The following DRC8 variants were observed in gnomAD, a reference collection of about 807,000 sequenced individuals.
DRC8 encodes the protein dynein regulatory complex protein 8.
chr1:245,117,716 C>A, the DRC8 span, among the ~76,000 whole-genome samples: 1 of 152,160 alleles, frequency 6.6e-6, no homozygotes, highest in Non-Finnish European at 1.5e-5. Context: ...TGTCTATAAT[C>A]CCAGCACTTT....
the DRC8 span, among the ~76,000 whole-genome samples, chr1:245,054,000 C>T: frequency 0.011 from 1,643 of 152,212 alleles, 28 homozygotes; most frequent in African/African-American, 0.037. Context: ...TGAACAACGC[C>T]CGCATCAGCC....
chr1:244,984,930 A>G, the DRC8 span, among the ~76,000 whole-genome samples: 3 of 150,808 alleles, frequency 2.0e-5, no homozygotes, highest in Non-Finnish European at 2.9e-5. Flanking sequence ...AAAACCTCTT[A>G]CCTGGTTTAC....
chr1:244,986,225 G>A, the DRC8 span, among the ~76,000 whole-genome samples: 4 of 152,126 alleles, frequency 2.6e-5, no homozygotes, highest in African/African-American at 7.2e-5. Flanking sequence ...AAAGTGCTGG[G>A]ATTACAGGCA....
chr1:244,982,659 C>T, the DRC8 span, among the ~76,000 whole-genome samples: 1 of 152,030 alleles, frequency 6.6e-6, no homozygotes, highest in African/African-American at 2.4e-5. Context: ...AGAAACTTTC[C>T]AAACTGAATT....
the DRC8 span, among the ~76,000 whole-genome samples, chr1:245,010,245 C>T: frequency 6.6e-6 from 1 of 152,132 alleles, no homozygotes; most frequent in Non-Finnish European, 1.5e-5. Flanking sequence ...GGAAGTAGCC[C>T]ATAGTATGTG....
At chr1:245,002,317 A>C in the DRC8 span, 1 of 1,085,974 alleles carries the variant, frequency 9.2e-7, no homozygotes. Context: ...CTTCCAGTTA[A>C]GTTATCCTCA....
At chr1:244,998,257 G>A in the DRC8 span, among the ~76,000 whole-genome samples, 2 of 152,002 alleles carry the variant, frequency 1.3e-5, no homozygotes, top group Non-Finnish European at 2.9e-5. Flanking sequence ...TCTCCAGGCT[G>A]GAGTACAGTG....
At chr1:245,032,088 A>G in the DRC8 span, among the ~76,000 whole-genome samples, 1 of 152,180 alleles carries the variant, frequency 6.6e-6, no homozygotes, top group Non-Finnish European at 1.5e-5. Context: ...TCACAGATAG[A>G]AGAAGTAACA....
At chr1:244,978,450 C>A in the DRC8 span, among the ~76,000 whole-genome samples, 1 of 146,422 alleles carries the variant, frequency 6.8e-6, no homozygotes, top group South Asian at 2.2e-4. Context: ...CTGAGAGCAC[C>A]ATTTTACTCC....
chr1:245,087,331 A>G, the DRC8 span: 2 of 1,602,378 alleles, frequency 1.2e-6, no homozygotes, highest in South Asian at 1.1e-5. Flanking sequence ...CAAGGACTAT[A>G]TAACAATGAT....
chr1:244,995,826 A>G, the DRC8 span, among the ~76,000 whole-genome samples: 92 of 152,296 alleles, frequency 6.0e-4, no homozygotes, highest in African/African-American at 2.2e-3. Context: ...GCAGTTTCCA[A>G]TGTGATTTTC....
At chr1:245,104,471 T>C in the DRC8 span, among the ~76,000 whole-genome samples, 818 of 148,792 alleles carry the variant, frequency 5.5e-3, 5 homozygotes, top group African/African-American at 0.02. Flanking sequence ...GCCACTGCAC[T>C]CCAGCCTGGG....
chr1:244,980,040 T>TAAAAAAA, the DRC8 span, among the ~76,000 whole-genome samples: 43 of 34,722 alleles, frequency 1.2e-3, 7 homozygotes, highest in African/African-American at 3.5e-3. Flanking sequence ...CCGTCTCTAC[T>TAAAAAAA]AAAAAAAAAA....
At chr1:245,034,077 G>A in the DRC8 span, among the ~76,000 whole-genome samples, 13 of 152,144 alleles carry the variant, frequency 8.5e-5, no homozygotes, top group Middle Eastern at 3.4e-3. Flanking sequence ...GCTTTGGGAC[G>A]ATTATCTTTC....
the DRC8 span, among the ~76,000 whole-genome samples, chr1:245,032,089 A>G: frequency 2.0e-5 from 3 of 152,190 alleles, no homozygotes; most frequent in Non-Finnish European, 2.9e-5. Flanking sequence ...CACAGATAGA[A>G]GAAGTAACAA....
the DRC8 span, among the ~76,000 whole-genome samples, chr1:245,068,821 C>G: frequency 6.6e-6 from 1 of 151,952 alleles, no homozygotes; most frequent in Non-Finnish European, 1.5e-5. Flanking sequence ...AATTATATCA[C>G]AAATTATATC....
chr1:244,973,863 A>G, the DRC8 span, among the ~76,000 whole-genome samples: 3 of 152,190 alleles, frequency 2.0e-5, no homozygotes, highest in Non-Finnish European at 2.9e-5. Context: ...AATTACCTAA[A>G]TTAGAAGGGG....
At chr1:245,004,573 A>G in the DRC8 span, among the ~76,000 whole-genome samples, 3 of 152,144 alleles carry the variant, frequency 2.0e-5, no homozygotes, top group Non-Finnish European at 4.4e-5. Flanking sequence ...TATTTTGTAT[A>G]TTGGCCATTT....
the DRC8 span, among the ~76,000 whole-genome samples, chr1:244,985,415 G>A: frequency 2.6e-5 from 4 of 152,216 alleles, no homozygotes; most frequent in Non-Finnish European, 4.4e-5. Flanking sequence ...GGTGGTAAAG[G>A]ATGTTGTGGA....
Sources: allele counts gnomAD v4.1 joint callset (sites outside exome capture counted in the v4.1 genomes callset), GRCh38; gene constraint gnomAD v4.1.1; transcripts MANE v1.5; gene names NCBI Gene and HGNC (gene_info 2026-07-23, HGNC 2026-07-21).